The following CHURC1 variants were observed in gnomAD, a reference collection of about 807,000 sequenced individuals.
CHURC1 encodes the protein protein Churchill.
A neutral mutation model predicts 15.4 loss-of-function variants in CHURC1; 12 were observed. The ratio of observed to expected loss-of-function variants is 0.78; its 90% CI spans 0.50 to 1.27. The LOEUF (loss-of-function observed/expected upper bound fraction) is 1.27, where lower values mean the gene tolerates loss of function less well. Ranked by LOEUF, CHURC1 falls within the 50% of genes most tolerant of loss-of-function variation. The pLI is 0.00. For synonymous variants in CHURC1, 42 were observed against 47.5 expected (o/e 0.88, Z 0.48); for missense variants, 132 against 137.8 (o/e 0.96, Z 0.21).
Position 64,914,473 on chromosome 14 carries a change from C to T in CHURC1, c.-23C>T. 1.2e-6 allele frequency: 2 copies of T among 1,614,276 alleles called. No homozygotes were observed. Among genetic ancestry groups the T allele is most frequent in the Non-Finnish European group, 1.7e-6 (2 of 1,180,046 alleles). ...TCGTCTTCCCGGAAGCGTTGGAGGA[C>T]ATTCCCTGTTGACTGCGTCGCGATG... On this transcript the variant is annotated 5_prime_UTR_variant, in exon 1 of 4. Transcript: ENST00000549115.
rs913986752 is a variant in CHURC1 at position 64,933,953 on chromosome 14, G to A, written c.*1723G>A. 2 of 985,198 alleles carry A rather than the reference G, an allele frequency of 2.0e-6. No individual in the cohort carries two copies. Among genetic ancestry groups the A allele is most frequent in the African/African-American group, 3.5e-5 (2 of 57,190 alleles). 61.0% of individuals were successfully genotyped at this position (985,198 alleles called of 1,614,324 possible). ...TGATAGTTTAGCCATAACCAGATATGGCTTGTTATTTGTAAGTTATCATGA... is the reference window on the plus strand; with the variant it reads ...TGATAGTTTAGCCATAACCAGATATAGCTTGTTATTTGTAAGTTATCATGA... On this transcript the variant is annotated 3_prime_UTR_variant, in exon 4 of 4. Transcript: ENST00000549115.
chr14:64,928,149 T>C (rs1884849458), intron 3 of CHURC1, among the ~76,000 whole-genome samples: 2 of 152,210 alleles, frequency 1.3e-5, no homozygotes, highest in African/African-American at 4.8e-5. Context: ...ATGCTACCCC[T>C]ACTGCATTTC....
intron 1 of CHURC1, among the ~76,000 whole-genome samples, chr14:64,919,849 A>G (rs1196956495): frequency 1.3e-5 from 2 of 151,938 alleles, no homozygotes; most frequent in South Asian, 4.1e-4. Flanking sequence ...GCGCCACAGC[A>G]TTCCAGCCTG....
At chr14:64,920,265 A>C (rs1884180951) in intron 1 of CHURC1, among the ~76,000 whole-genome samples, 1 of 152,218 alleles carries the variant, frequency 6.6e-6, no homozygotes, top group African/African-American at 2.4e-5. Context: ...ACCAGGATTT[A>C]TCTGAATCAG....
rs1377843202 is a variant in CHURC1, at chr14:64,933,443, T to TTA, written c.*1216_*1217dup. Reference sequence around the variant, plus strand: ...AGTTTCATGAGCACTGGCCAGGAGGTTATAAACTGGCATTTAGGCCTCTCT... The same window carrying TTA: ...AGTTTCATGAGCACTGGCCAGGAGGTTATATAAACTGGCATTTAGGCCTCTCT... On this transcript the variant is annotated 3_prime_UTR_variant, in exon 4 of 4. Transcript: ENST00000549115. 6.1e-6 allele frequency: 6 copies of TTA among 985,318 alleles called. No individual in the cohort carries two copies. The highest frequency in any genetic ancestry group is 7.2e-6 in the Non-Finnish European group (6 of 829,936). 61.0% of individuals were successfully genotyped at this position (985,318 alleles called of 1,614,324 possible).
intron 1 of CHURC1, among the ~76,000 whole-genome samples, chr14:64,919,341 A>G (rs1884112822): frequency 6.6e-6 from 1 of 152,238 alleles, no homozygotes; most frequent in African/African-American, 2.4e-5. Flanking sequence ...TGTTAGTGAT[A>G]TGTTTAAAAT....
intron 3 of CHURC1, among the ~76,000 whole-genome samples, chr14:64,929,822 T>A (rs766551404): frequency 2.0e-5 from 3 of 152,050 alleles, no homozygotes; most frequent in Non-Finnish European, 2.9e-5. Flanking sequence ...CAAAGTAGGA[T>A]TTTCTGATGG....
Position 64,920,072 on chromosome 14 carries a change from AAT to A in CHURC1, c.40-3913_40-3912del, listed in dbSNP as rs1476529717. Among the ~76,000 whole-genome samples the A allele has an allele frequency of 5.3e-5, 8 of 152,270 alleles. No individual in the cohort carries two copies. In the South Asian group the frequency reaches 1.2e-3, roughly 24 times the overall value. On this transcript the variant is annotated intron_variant, in intron 1 of 3. Coordinates refer to ENST00000549115, the MANE Select transcript of CHURC1 (RefSeq NM_001386928.1). ...TCCATTTTTAAACATTCCCTGGCAA[AAT>A]ATATACATTAGCTATTAACTTGTAT... is the stretch of plus-strand genomic sequence containing the variant.
At chr14:64,920,310 CCTT>C (rs1230567459) in intron 1 of CHURC1, among the ~76,000 whole-genome samples, 1 of 152,086 alleles carries the variant, frequency 6.6e-6, no homozygotes, top group Non-Finnish European at 1.5e-5. Flanking sequence ...CGACTTTTTT[CCTT>C]CTTTAAGCTG....
chr14:64,924,188 A>G (rs992275004), intron 2 of CHURC1, 62 bp downstream of exon 2: 10 of 1,503,268 alleles, frequency 6.7e-6, no homozygotes, highest in African/African-American at 2.8e-5. Context: ...GGAAGTCGAT[A>G]TGTTACACAA....
At chr14:64,930,265 G>C (rs1426389993) in intron 3 of CHURC1, among the ~76,000 whole-genome samples, 1 of 152,166 alleles carries the variant, frequency 6.6e-6, no homozygotes, top group Non-Finnish European at 1.5e-5. Flanking sequence ...TACTTGGCTG[G>C]TTTTGATAAA....
At chr14:64,917,429 G>T (rs1883964026) in intron 1 of CHURC1, among the ~76,000 whole-genome samples, 1 of 152,168 alleles carries the variant, frequency 6.6e-6, no homozygotes, top group African/African-American at 2.4e-5. Flanking sequence ...TGGGTGTGGT[G>T]GGAGGCGCCT....
intron 3 of CHURC1, among the ~76,000 whole-genome samples, chr14:64,928,775 T>G (rs1471100939): frequency 6.6e-6 from 1 of 152,206 alleles, no homozygotes; most frequent in Non-Finnish European, 1.5e-5. Context: ...AGGTCCAAAG[T>G]GCTTGACTTC....
intron 1 of CHURC1, among the ~76,000 whole-genome samples, chr14:64,923,332 T>G (rs995054332): frequency 2.6e-5 from 4 of 151,986 alleles, no homozygotes; most frequent in African/African-American, 9.7e-5. Flanking sequence ...AATTTCTTTT[T>G]TAAAAACTTT....
chr14:64,926,291 C>G (rs1884692663), intron 3 of CHURC1, among the ~76,000 whole-genome samples: 1 of 148,894 alleles, frequency 6.7e-6, no homozygotes, highest in Non-Finnish European at 1.5e-5. Flanking sequence ...AAGCAGTCCT[C>G]CCACCTCGGC....
At chr14:64,918,231 A>C (rs1439479071) in intron 1 of CHURC1, among the ~76,000 whole-genome samples, 1 of 152,226 alleles carries the variant, frequency 6.6e-6, no homozygotes, top group East Asian at 1.9e-4. Flanking sequence ...CATGAAGAAG[A>C]ATTAAACTTT....
chr14:64,918,125 A>G (rs1884018698), intron 1 of CHURC1, among the ~76,000 whole-genome samples: 1 of 152,256 alleles, frequency 6.6e-6, no homozygotes, highest in Non-Finnish European at 1.5e-5. Context: ...GAAGAATAGT[A>G]GAAAAAGGGA....
In CHURC1 at chr14:64,935,235, A is replaced by C. The variant is rs1885273129; in HGVS notation, c.*3005A>C. 1 of 260,348 alleles carries C rather than the reference A, an allele frequency of 3.8e-6. No individual in the cohort carries two copies. The highest frequency in any genetic ancestry group is 1.8e-4 in the East Asian group (1 of 5,640). The allele number at this position is 260,348 out of a possible 1,614,324, so 16.1% of individuals were successfully genotyped here. On this transcript the variant is annotated 3_prime_UTR_variant, in exon 4 of 4. Coordinates refer to ENST00000549115, the MANE Select transcript of CHURC1 (RefSeq NM_001386928.1). The stretch of plus-strand genomic sequence containing the variant: ...GCATTAGGAGATATACCTGATGCTA[A>C]ATGACGAGTTAGTGGGTGCAGCACA...
chr14:64,933,528 T>C lies in CHURC1; in HGVS notation c.*1298T>C. 1.0e-6 allele frequency: 1 copy of C among 980,890 alleles called. No individual in the cohort carries two copies. Among genetic ancestry groups the C allele is most frequent in the South Asian group, 4.7e-5 (1 of 21,194 alleles). The allele number at this position is 980,890 out of a possible 1,614,324, so 60.8% of individuals were successfully genotyped here. On this transcript the variant is annotated 3_prime_UTR_variant, in exon 4 of 4. Coordinates refer to ENST00000549115, the MANE Select transcript of CHURC1 (RefSeq NM_001386928.1). ...ATTACTCTGGACTTTATTGTCCTGT[T>C]TCTATCAAATTGGACTAACAAAAAT...
Sources: gnomAD v4.1 joint callset for allele counts (sites outside exome capture counted in the v4.1 genomes callset) on GRCh38, gnomAD v4.1.1 for gene constraint, MANE v1.5 for transcripts, NCBI Gene and HGNC (gene_info 2026-07-23, HGNC 2026-07-21) for gene names.